KIAA1217: variants seen among roughly 807,000 people sequenced by gnomAD.
KIAA1217 encodes KIAA1217, also known as sickle tail protein homolog.
In KIAA1217, 88 loss-of-function variants were observed where a neutral mutation model predicts 163.9. That is an observed-to-expected ratio of 0.54 (90% CI 0.45 to 0.64). The LOEUF is 0.64. Ranked by LOEUF, KIAA1217 falls within the 30% of genes least tolerant of loss-of-function variation. KIAA1217 has a pLI of 0.00. For missense variants in KIAA1217, 2,372 were observed against 2,475.0 expected (o/e 0.96, Z 0.88); for synonymous variants, 903 against 923.1 (o/e 0.98, Z 0.39).
chr10:23,825,106 C>G (rs1291137724), intron 1 of KIAA1217, among the ~76,000 whole-genome samples: 2 of 152,290 alleles, frequency 1.3e-5, no homozygotes, highest in Non-Finnish European at 2.9e-5. Context: ...CCAATTCCTG[C>G]ACGCACCTTT....
chr10:24,041,013 C>T (rs1848606681), intron 2 of KIAA1217, among the ~76,000 whole-genome samples: 1 of 152,218 alleles, frequency 6.6e-6, no homozygotes. Flanking sequence ...AACTCCTGTT[C>T]CCGTTGATTC....
chr10:24,524,716 T>C lies in KIAA1217; in HGVS notation c.2850T>C (p.Ile950=). Residue 950 remains isoleucine (I), a synonymous_variant, in exon 13 of 21, where the codon ATT becomes ATC. Coordinates refer to ENST00000376454, the MANE Select transcript of KIAA1217 (RefSeq NM_019590.5). The part of the protein sequence containing the change: ...MNGSAMQSLF[I]EEIHSVSAKN... ...GGTCTGCCATGCAGAGCTTGTTCAT[T>C]GAAGAAATCCACAGTGTGAGTGCCA... 1 of 1,610,984 alleles carries C rather than the reference T, an allele frequency of 6.2e-7. No homozygotes were observed. The highest frequency in any genetic ancestry group is 8.5e-7 in the Non-Finnish European group (1 of 1,177,642).
chr10:24,173,843 C>CA (rs1485710364), intron 2 of KIAA1217, among the ~76,000 whole-genome samples: 2 of 152,092 alleles, frequency 1.3e-5, no homozygotes, highest in Non-Finnish European at 2.9e-5. Flanking sequence ...ACTGTGACTT[C>CA]AAAAAAAGTC....
chr10:24,019,743 G>A lies in KIAA1217; in HGVS notation c.-171+12369G>A, dbSNP rs966896763. On this transcript the variant is annotated intron_variant, in intron 2 of 18. Coordinates refer to the KIAA1217 transcript ENST00000376462. ...ACATTTGGCCCTTGGATGATAGTTT[G>A]TTAAATCCTAGACTAGGAAATCATA... 2.0e-5 allele frequency among the ~76,000 whole-genome samples: 3 copies of A among 150,690 alleles called. No homozygotes were observed. The Admixed American group carries it at 2.0e-4, about 10-fold the overall frequency.
chr10:24,294,675 G>C (rs1181289254), intron 2 of KIAA1217, among the ~76,000 whole-genome samples: 1 of 152,140 alleles, frequency 6.6e-6, no homozygotes, highest in Non-Finnish European at 1.5e-5. Flanking sequence ...TTTTTCCTTA[G>C]AAAAGTTTTC....
Position 24,544,137 on chromosome 10 carries a change from T to C in KIAA1217, c.4867T>C (p.Phe1623Leu). Reference protein sequence around the residue: ...TLKQHKEAKRFEIARSQPEDT... With the variant: ...TLKQHKEAKRLEIARSQPEDT... ...GAAACAGCACAAAGAAGCCAAGCGCTTCGAAATCGCTAGGTCTCAACCTGA... is the reference window on the plus strand; with the variant it reads ...GAAACAGCACAAAGAAGCCAAGCGCCTCGAAATCGCTAGGTCTCAACCTGA... Residue 1623 changes from phenylalanine (F) to leucine (L), a missense_variant, in exon 19 of 21, where the codon TTC (phenylalanine) becomes CTC (leucine). Physicochemically the swap from Phe to Leu is conservative, Grantham distance 22 (BLOSUM62 0). Transcript: ENST00000376454. 1 of 1,614,100 alleles carries C rather than the reference T, an allele frequency of 6.2e-7. No homozygotes were observed. Among genetic ancestry groups the C allele is most frequent in the Non-Finnish European group, 8.5e-7 (1 of 1,180,040 alleles).
rs1273773974 is a variant in KIAA1217 at position 23,790,308 on chromosome 10, T to TATATAC, written c.-321+95079_-321+95084dup. On this transcript the variant is annotated intron_variant, in intron 1 of 18. Coordinates refer to the KIAA1217 transcript ENST00000376462. ...GCACATATGCATATGCACATATGCA[T>TATATAC]ATATACATATGCACATATGCATATA... Among the ~76,000 whole-genome samples, 2 of 109,334 alleles carry TATATAC rather than the reference T, an allele frequency of 1.8e-5. 1 individual carries two copies. The highest frequency in any genetic ancestry group is 3.6e-5 in the Non-Finnish European group (2 of 54,842). The allele number at this position is 109,334 out of a possible 152,430, so 71.7% of individuals were successfully genotyped here. A position where few individuals can be genotyped will look rare whatever the true frequency, so the allele number is the denominator to read the frequency against.
intron 2 of KIAA1217, among the ~76,000 whole-genome samples, chr10:24,255,788 C>T (rs1170299188): frequency 2.0e-5 from 3 of 152,136 alleles, no homozygotes; most frequent in Non-Finnish European, 4.4e-5. Context: ...GCTTCTCAAG[C>T]AGAGAATGAT....
At chr10:24,016,883 T>G (rs1847501696) in intron 2 of KIAA1217, among the ~76,000 whole-genome samples, 4 of 152,060 alleles carry the variant, frequency 2.6e-5, no homozygotes, top group Admixed American at 2.6e-4. Context: ...CTTCAAGAGA[T>G]GCTAAATATA....
At chr10:23,977,342 A>G (rs1845583325) in intron 1 of KIAA1217, among the ~76,000 whole-genome samples, 1 of 152,200 alleles carries the variant, frequency 6.6e-6, no homozygotes, top group Admixed American at 6.6e-5. Flanking sequence ...AGAGGAAGGG[A>G]GGGCAAATAT....
intron 1 of KIAA1217, among the ~76,000 whole-genome samples, chr10:23,788,926 C>T (rs1038786258): frequency 6.6e-6 from 1 of 152,176 alleles, no homozygotes; most frequent in African/African-American, 2.4e-5. Flanking sequence ...CCATAGAACT[C>T]GGTGACCTTA....
chr10:24,096,664 T>G (rs1182604753), intron 2 of KIAA1217, among the ~76,000 whole-genome samples: 2 of 152,136 alleles, frequency 1.3e-5, no homozygotes, highest in African/African-American at 4.8e-5. Flanking sequence ...TTTTTTTACC[T>G]CAGGCCCTTT....
chr10:24,253,425 T>C (rs553209166), intron 2 of KIAA1217, among the ~76,000 whole-genome samples: 1 of 152,268 alleles, frequency 6.6e-6, no homozygotes, highest in South Asian at 2.1e-4. Flanking sequence ...TACAGAAGCT[T>C]GAAGATCTGT....
At chr10:23,921,668 C>T (rs570449582) in intron 1 of KIAA1217, among the ~76,000 whole-genome samples, 28 of 152,134 alleles carry the variant, frequency 1.8e-4, no homozygotes, top group African/African-American at 5.1e-4. Context: ...TGAGTTTCTT[C>T]GGGGAGGGTG....
chr10:23,918,679 T>C (rs1257230054), intron 1 of KIAA1217, among the ~76,000 whole-genome samples: 1 of 151,866 alleles, frequency 6.6e-6, no homozygotes, highest in Non-Finnish European at 1.5e-5. Flanking sequence ...GGACCATGAA[T>C]AATTTCATAC....
At chr10:23,841,139 T>G (rs1838760082) in intron 1 of KIAA1217, among the ~76,000 whole-genome samples, 1 of 152,234 alleles carries the variant, frequency 6.6e-6, no homozygotes, top group Non-Finnish European at 1.5e-5. Context: ...ACTATATATG[T>G]GACTTTTATT....
chr10:24,357,655 T>C (rs2049289960), intron 2 of KIAA1217, among the ~76,000 whole-genome samples: 1 of 152,160 alleles, frequency 6.6e-6, no homozygotes, highest in Non-Finnish European at 1.5e-5. Context: ...GGGTTCTGAG[T>C]ATTTTTGTTT....
At chr10:24,426,126 C>A (rs1347958975) in intron 3 of KIAA1217, among the ~76,000 whole-genome samples, 3 of 152,190 alleles carry the variant, frequency 2.0e-5, no homozygotes, top group African/African-American at 7.2e-5. Flanking sequence ...CCGTCAGCTG[C>A]CTGCAGAAGA....
intron 1 of KIAA1217, among the ~76,000 whole-genome samples, chr10:23,701,924 T>C (rs943394898): frequency 1.3e-5 from 2 of 152,192 alleles, no homozygotes; most frequent in African/African-American, 4.8e-5. Context: ...GCACCTTCAG[T>C]CCTGAGTGTT....
Sources: allele counts gnomAD v4.1 joint callset (sites outside exome capture counted in the v4.1 genomes callset), GRCh38; gene constraint gnomAD v4.1.1; transcripts MANE v1.5; gene names NCBI Gene and HGNC (gene_info 2026-07-23, HGNC 2026-07-21).